JAKMIP1: variants seen among roughly 807,000 people sequenced by gnomAD.
The protein encoded by JAKMIP1 is janus kinase and microtubule-interacting protein 1.
Under a neutral mutation model 113.0 loss-of-function variants are expected in JAKMIP1, and 33 were observed. The ratio of observed to expected loss-of-function variants is 0.29; its 90% CI spans 0.22 to 0.39. The LOEUF (loss-of-function observed/expected upper bound fraction) is 0.39, where lower values mean the gene tolerates loss of function less well. Among genes scored for constraint, JAKMIP1 ranks in the 10% least tolerant of loss-of-function variants. The pLI, the probability that JAKMIP1 is intolerant of heterozygous loss-of-function variation, is 1.00. For synonymous variants in JAKMIP1, 480 were observed against 459.9 expected (o/e 1.04, Z -0.56); for missense variants, 813 against 1,080.5 (o/e 0.75, Z 3.47).
In JAKMIP1 at chr4:6,129,046, G is replaced by A. The variant is rs1232828396; in HGVS notation, c.-147-16049C>T. The stretch of plus-strand genomic sequence containing the variant: ...AGTTGAATCTCCAGTACCAGGCAAG[G>A]TGCCTTGCCCAGAGCAGGTGACAGT... On this transcript the variant is annotated intron_variant, in intron 1 of 20. Coordinates refer to ENST00000409021, the MANE Select transcript of JAKMIP1 (RefSeq NM_001099433.2). The surrounding 1 kb of genome is among the most constrained non-coding windows in gnomAD (Gnocchi z 5.4). Among the ~76,000 whole-genome samples, 1 of 152,230 alleles carries A rather than the reference G, an allele frequency of 6.6e-6. No individual in the cohort carries two copies. The highest frequency in any genetic ancestry group is 1.5e-5 in the Non-Finnish European group (1 of 68,044).
chr4:6,050,300 G>A lies in JAKMIP1; in HGVS notation c.1908+278C>T, dbSNP rs890503476. Among the ~76,000 whole-genome samples, 1 of 152,218 alleles carries A rather than the reference G, an allele frequency of 6.6e-6. No homozygotes were observed. Among genetic ancestry groups the A allele is most frequent in the Non-Finnish European group, 1.5e-5 (1 of 68,040 alleles). ...TGGGTATTGTCATTTGGATTTCATA[G>A]CGAAGAGGCTAAGGCTCTGAAAGTT... On this transcript the variant is annotated intron_variant, in intron 14 of 20. Coordinates refer to ENST00000409021, the MANE Select transcript of JAKMIP1 (RefSeq NM_001099433.2). This position sits in a 1 kb window ranked among gnomAD's most constrained non-coding sequence, Gnocchi z 7.4.
intron 12 of JAKMIP1, among the ~76,000 whole-genome samples, chr4:6,056,072 TC>T: frequency 6.8e-6 from 1 of 146,448 alleles, no homozygotes; most frequent in African/African-American, 2.6e-5. Flanking sequence ...AGGGCTGCCC[TC>T]CCCATTTCTG....
Position 6,042,904 on chromosome 4 carries a change from G to A in JAKMIP1, c.2029-677C>T, listed in dbSNP as rs1262651727. Among the ~76,000 whole-genome samples, 1 of 152,044 alleles carries A rather than the reference G, an allele frequency of 6.6e-6. No homozygotes were observed. The highest frequency in any genetic ancestry group is 6.5e-5 in the Admixed American group (1 of 15,276). ...CACGGAGAGTACGGGGTGAACAGGCGGGGCGTGCACCTGAGCGGCAGGTAA... is the reference window on the plus strand; with the variant it reads ...CACGGAGAGTACGGGGTGAACAGGCAGGGCGTGCACCTGAGCGGCAGGTAA... On this transcript the variant is annotated intron_variant, in intron 16 of 20. Coordinates refer to ENST00000409021, the MANE Select transcript of JAKMIP1 (RefSeq NM_001099433.2). The surrounding 1 kb of genome is among the most constrained non-coding windows in gnomAD (Gnocchi z 5.2).
rs528884928 is a variant in JAKMIP1 at position 6,129,978 on chromosome 4, C to G, written c.-147-16981G>C. ...CCATCTTGATATGTCCCAGTGAAGC[C>G]AAGTTCAGGAGAAGAGGCCTCTCTA... On this transcript the variant is annotated intron_variant, in intron 1 of 20. Coordinates refer to ENST00000409021, the MANE Select transcript of JAKMIP1 (RefSeq NM_001099433.2). The surrounding 1 kb of genome is among the most constrained non-coding windows in gnomAD (Gnocchi z 5.4). Among the ~76,000 whole-genome samples the G allele has an allele frequency of 7.9e-5, 12 of 152,296 alleles. No homozygotes were observed. Among genetic ancestry groups the G allele is most frequent in the South Asian group, 2.1e-4 (1 of 4,820 alleles).
In JAKMIP1 at chr4:6,089,899, G is replaced by A. The variant is rs1050496277; in HGVS notation, c.625-4270C>T. Among the ~76,000 whole-genome samples the A allele has an allele frequency of 4.6e-5, 7 of 152,168 alleles. No homozygotes were observed. Among genetic ancestry groups the A allele is most frequent in the African/African-American group, 1.7e-4 (7 of 41,440 alleles). On this transcript the variant is annotated intron_variant, in intron 3 of 20. Transcript: ENST00000409021. This position sits in a 1 kb window ranked among gnomAD's most constrained non-coding sequence, Gnocchi z 5.3. ...GAAATGAAGATGCAAATTAAGATGA[G>A]GTTATACCACGTTAGGGTGGACCCT...
At chr4:6,032,421 A>C (rs1712825548) in intron 19 of JAKMIP1, among the ~76,000 whole-genome samples, 1 of 152,020 alleles carries the variant, frequency 6.6e-6, no homozygotes, top group Admixed American at 6.6e-5. Flanking sequence ...TTCACAGTTG[A>C]GCTCTGTTGC....
In JAKMIP1 at chr4:6,139,888, C is replaced by T. The variant is rs1719855028; in HGVS notation, c.-147-26891G>A. 6.6e-6 allele frequency among the ~76,000 whole-genome samples: 1 copy of T among 152,050 alleles called. No individual in the cohort carries two copies. On this transcript the variant is annotated intron_variant, in intron 1 of 20. Transcript: ENST00000409021. The surrounding 1 kb of genome is among the most constrained non-coding windows in gnomAD (Gnocchi z 5.2). ...GAGGTCACGGGGCAGATTCCACGAG[C>T]CAAGGAATACCAAGGACTGCCACCA...
intron 3 of JAKMIP1, 28 bp downstream of exon 3, chr4:6,105,445 C>A (rs758536987): frequency 6.4e-7 from 1 of 1,555,504 alleles, no homozygotes; most frequent in East Asian, 2.3e-5. Context: ...GCCGCGTGCC[C>A]GCGGGCGGGG....
At chr4:6,152,302 C>T in intron 1 of JAKMIP1, among the ~76,000 whole-genome samples, 1 of 152,178 alleles carries the variant, frequency 6.6e-6, no homozygotes, top group East Asian at 1.9e-4. Context: ...GATCAAGAGT[C>T]CTCACTCACT....
At chr4:6,190,054 C>G (rs1390456290) in intron 1 of JAKMIP1, among the ~76,000 whole-genome samples, 9 of 152,194 alleles carry the variant, frequency 5.9e-5, no homozygotes, top group Non-Finnish European at 2.9e-5. Flanking sequence ...ACTTCATTCA[C>G]TCAATCCTCC....
chr4:6,122,970 G>A (rs1167955028), intron 1 of JAKMIP1, among the ~76,000 whole-genome samples: 1 of 152,182 alleles, frequency 6.6e-6, no homozygotes, highest in Non-Finnish European at 1.5e-5. Context: ...TCAGAACAGG[G>A]ACCAGACCGT....
chr4:6,056,386 G>A (rs1425492135), intron 12 of JAKMIP1, among the ~76,000 whole-genome samples: 2 of 151,248 alleles, frequency 1.3e-5, no homozygotes, highest in Admixed American at 6.6e-5. Flanking sequence ...TATCCCCAGA[G>A]GTTGGGGCCA....
chr4:6,056,670 G>A (rs961133305), intron 12 of JAKMIP1, 27 bp downstream of exon 12: 8 of 1,596,992 alleles, frequency 5.0e-6, no homozygotes, highest in Non-Finnish European at 6.9e-6. Flanking sequence ...CTGCGGCTGT[G>A]TGCTTCCCTG....
intron 1 of JAKMIP1, among the ~76,000 whole-genome samples, chr4:6,152,284 G>C (rs1051522010): frequency 3.3e-5 from 5 of 152,160 alleles, no homozygotes; most frequent in African/African-American, 7.2e-5. Flanking sequence ...ACCTCCCACT[G>C]GGACTCTGAT....
At chr4:6,171,998 C>T (rs1724785172) in intron 1 of JAKMIP1, among the ~76,000 whole-genome samples, 1 of 152,114 alleles carries the variant, frequency 6.6e-6, no homozygotes, top group Non-Finnish European at 1.5e-5. Context: ...GAATTCCTTC[C>T]ATCTTCCCAC....
chr4:6,030,203 G>A (rs563291355), intron 19 of JAKMIP1, among the ~76,000 whole-genome samples: 11 of 152,134 alleles, frequency 7.2e-5, no homozygotes, highest in Non-Finnish European at 1.0e-4. Context: ...ACCACATCAC[G>A]TACTTGTCTA....
rs1015272399 is a variant in JAKMIP1 at position 6,166,026 on chromosome 4, C to G, written c.-148+34227G>C. 3.9e-5 allele frequency among the ~76,000 whole-genome samples: 6 copies of G among 152,140 alleles called. No individual in the cohort carries two copies. The East Asian group carries it at 1.2e-3, about 29-fold the overall frequency. On this transcript the variant is annotated intron_variant, in intron 1 of 20. Coordinates refer to ENST00000409021, the MANE Select transcript of JAKMIP1 (RefSeq NM_001099433.2). ...TCTGCCCTCCACTCCACTTTCACGT[C>G]ACCTCCTGGGTACCTGTCCAGTCTC... is the stretch of plus-strand genomic sequence containing the variant.
chr4:6,143,771 T>G lies in JAKMIP1; in HGVS notation c.-147-30774A>C, dbSNP rs1560268090. Among the ~76,000 whole-genome samples, 2 of 152,332 alleles carry G rather than the reference T, an allele frequency of 1.3e-5. No individual in the cohort carries two copies. The highest frequency in any genetic ancestry group is 4.1e-4 in the South Asian group (2 of 4,828). On this transcript the variant is annotated intron_variant, in intron 1 of 20. Transcript: ENST00000409021. This position sits in a 1 kb window ranked among gnomAD's most constrained non-coding sequence, Gnocchi z 4.9. The stretch of plus-strand genomic sequence containing the variant: ...TCCTCTGAGTGATTCTAACACACGC[T>G]GCTCTAGAACAGTTTTTTATTTAAA...
In JAKMIP1 at chr4:6,050,847, C is replaced by T. The variant is rs1054427162; in HGVS notation, c.1807-168G>A. 1.3e-5 allele frequency among the ~76,000 whole-genome samples: 2 copies of T among 152,220 alleles called. No individual in the cohort carries two copies. Among genetic ancestry groups the T allele is most frequent in the Non-Finnish European group, 2.9e-5 (2 of 68,054 alleles). ...TCGTCCGTGAGCTACGACGTTTTCA[C>T]GCCTTCCCACGCAGCAGTTCTCCAT... On this transcript the variant is annotated intron_variant, in intron 13 of 20. Transcript: ENST00000409021. This position sits in a 1 kb window ranked among gnomAD's most constrained non-coding sequence, Gnocchi z 7.4.
Sources: allele counts gnomAD v4.1 joint callset (sites outside exome capture counted in the v4.1 genomes callset), GRCh38; gene constraint gnomAD v4.1.1; non-coding constraint Gnocchi (gnomAD v3.1); transcripts MANE v1.5; gene names NCBI Gene and HGNC (gene_info 2026-07-23, HGNC 2026-07-21).